NIPAL2: variants seen among roughly 807,000 people sequenced by gnomAD.
The protein encoded by NIPAL2 is NIPA like domain containing 2.
NIPAL2 carries 43 observed loss-of-function variants against 48.9 expected under a neutral mutation model. The observed-to-expected ratio is 0.88, with a 90% CI of 0.69 to 1.13. NIPAL2 has a LOEUF of 1.13. NIPAL2 is among the 50% of genes most tolerant of loss of function. NIPAL2 has a pLI of 0.00. For synonymous variants in NIPAL2, 167 were observed against 174.6 expected, an observed-to-expected ratio of 0.96 and a Z score of 0.34; for missense variants, 446 against 461.4, an observed-to-expected ratio of 0.97 and a Z score of 0.31.
At chr8:98,235,275 A>G (rs1439582192) in intron 4 of NIPAL2, among the ~76,000 whole-genome samples, 3 of 152,210 alleles carry the variant, frequency 2.0e-5, no homozygotes, top group Non-Finnish European at 4.4e-5. Flanking sequence ...TCACGGAAGA[A>G]AATATGAATC....
At chr8:98,212,332 T>A in intron 6 of NIPAL2, 73 bp downstream of exon 6, 1 of 785,508 alleles carries the variant, frequency 1.3e-6, no homozygotes, top group South Asian at 1.6e-5. Context: ...AATGCTTAAG[T>A]ATTTTCCTTC....
At chr8:98,232,104 A>C (rs1812467760) in intron 4 of NIPAL2, among the ~76,000 whole-genome samples, 2 of 152,164 alleles carry the variant, frequency 1.3e-5, no homozygotes, top group African/African-American at 2.4e-5. Flanking sequence ...CACATTTCTG[A>C]GAGGGGTTGG....
At chr8:98,206,071 T>C (rs950362741) in intron 6 of NIPAL2, among the ~76,000 whole-genome samples, 1 of 152,204 alleles carries the variant, frequency 6.6e-6, no homozygotes, top group Non-Finnish European at 1.5e-5. Context: ...ACATCATCTT[T>C]CTGTAAGGAA....
At chr8:98,278,564 GA>G (rs1815616656) in intron 1 of NIPAL2, among the ~76,000 whole-genome samples, 1 of 152,012 alleles carries the variant, frequency 6.6e-6, no homozygotes, top group African/African-American at 2.4e-5. Context: ...TCCCTCTTCT[GA>G]ATTGAGTCTT....
chr8:98,264,454 A>G (rs1459208606), intron 1 of NIPAL2, among the ~76,000 whole-genome samples: 6 of 148,698 alleles, frequency 4.0e-5, no homozygotes, highest in South Asian at 4.4e-4. Context: ...AAATCAATGT[A>G]CAAAAATCAC....
chr8:98,219,687 C>T (rs1811752945), intron 5 of NIPAL2, among the ~76,000 whole-genome samples: 1 of 152,158 alleles, frequency 6.6e-6, no homozygotes, highest in African/African-American at 2.4e-5. Context: ...TTAATTCAGG[C>T]TTCCATCATC....
intron 1 of NIPAL2, among the ~76,000 whole-genome samples, chr8:98,279,141 TTGAA>T (rs1165869129): frequency 7.9e-5 from 12 of 152,210 alleles, no homozygotes; most frequent in Admixed American, 2.0e-4. Flanking sequence ...ATACATTTCT[TTGAA>T]TGGTAGTAAC....
At chr8:98,258,879 G>A (rs1015456795) in intron 1 of NIPAL2, among the ~76,000 whole-genome samples, 2 of 151,436 alleles carry the variant, frequency 1.3e-5, no homozygotes, top group South Asian at 2.1e-4. Context: ...TGAATCATTC[G>A]TTACTTAATT....
At chr8:98,221,235 C>A (rs1811851936) in intron 5 of NIPAL2, among the ~76,000 whole-genome samples, 1 of 151,994 alleles carries the variant, frequency 6.6e-6, no homozygotes, top group Non-Finnish European at 1.5e-5. Flanking sequence ...CTCGGCCTCC[C>A]AAAGTGCTGG....
chr8:98,289,168 T>G (rs1025573737), intron 1 of NIPAL2, among the ~76,000 whole-genome samples: 1 of 152,232 alleles, frequency 6.6e-6, no homozygotes, highest in Admixed American at 6.5e-5. Context: ...AGGTCTATTT[T>G]AATCTATAGG....
At chr8:98,228,638 A>G (rs1023736552) in intron 4 of NIPAL2, among the ~76,000 whole-genome samples, 2 of 152,184 alleles carry the variant, frequency 1.3e-5, no homozygotes, top group African/African-American at 4.8e-5. Context: ...GCCTGACATG[A>G]CAGCAGACCC....
chr8:98,223,910 C>T (rs1168105255), intron 4 of NIPAL2, among the ~76,000 whole-genome samples: 5 of 152,082 alleles, frequency 3.3e-5, no homozygotes. Context: ...TCAGTCATGT[C>T]TTTTCTTTGG....
intron 1 of NIPAL2, among the ~76,000 whole-genome samples, chr8:98,281,196 C>G (rs1034138334): frequency 1.3e-4 from 20 of 152,040 alleles, no homozygotes; most frequent in Admixed American, 9.2e-4. Flanking sequence ...TCAGCAAGCT[C>G]ACATCAGGAT....
intron 1 of NIPAL2, among the ~76,000 whole-genome samples, chr8:98,289,955 C>G (rs1178868285): frequency 6.6e-6 from 1 of 152,160 alleles, no homozygotes; most frequent in East Asian, 1.9e-4. Context: ...TTTCTCAAGT[C>G]CAGCAAGACA....
At chr8:98,248,643 T>C (rs1813420076) in intron 3 of NIPAL2, among the ~76,000 whole-genome samples, 1 of 152,226 alleles carries the variant, frequency 6.6e-6, no homozygotes, top group African/African-American at 2.4e-5. Flanking sequence ...ACCTTTCTGC[T>C]GCCCTGGTTT....
At chr8:98,230,890 T>C (rs1337778478) in intron 4 of NIPAL2, among the ~76,000 whole-genome samples, 2 of 152,210 alleles carry the variant, frequency 1.3e-5, no homozygotes, top group Admixed American at 6.5e-5. Flanking sequence ...TTGAATTTTG[T>C]CCACTTTCCA....
Position 98,194,778 on chromosome 8 carries a change from C to G in NIPAL2, c.989G>C (p.Arg330Pro), listed in dbSNP as rs367551918. 6.4e-7 allele frequency: 1 copy of G among 1,574,224 alleles called. No individual in the cohort carries two copies. The highest frequency in any genetic ancestry group is 1.2e-5 in the South Asian group (1 of 83,112). The change falls in exon 10 of 11, where the codon CGA becomes CCA. Residue 330 changes from arginine (R) to proline (P), a missense_variant. Coordinates refer to ENST00000430223, the MANE Select transcript of NIPAL2 (RefSeq NM_001321635.2). ...FLGVFLVTRN[R>P]EKEHLQQSYI... ...AGACTGTTGCAGATGTTCCTTTTCT[C>G]GATTTCTTGTGACCAAAAATACACC...
chr8:98,280,792 A>AGAGAGAGAGAGAGAGAGAGAGAG (rs1815783724), intron 1 of NIPAL2, among the ~76,000 whole-genome samples: 5 of 139,480 alleles, frequency 3.6e-5, no homozygotes, highest in African/African-American at 5.3e-5. Context: ...AGAGAGAGAG[A>AGAGAGAGAGAGAGAGAGAGAGAG]AAGCGAGAGA....
chr8:98,234,282 A>C (rs2130785840), intron 4 of NIPAL2, among the ~76,000 whole-genome samples: 1 of 152,376 alleles, frequency 6.6e-6, no homozygotes, highest in Admixed American at 6.5e-5. Context: ...AATCTATATT[A>C]TCATGGACTA....
Sources: gnomAD v4.1 joint callset for allele counts (sites outside exome capture counted in the v4.1 genomes callset) on GRCh38, gnomAD v4.1.1 for gene constraint, MANE v1.5 for transcripts, NCBI Gene and HGNC (gene_info 2026-07-23, HGNC 2026-07-21) for gene names.